Variants in BTK observed in about 807,000 individuals in gnomAD.
BTK encodes Bruton tyrosine kinase.
In BTK, 5 loss-of-function variants were observed where a neutral mutation model predicts 57.4. The ratio of observed to expected loss-of-function variants is 0.09; its 90% confidence interval spans 0.05 to 0.18. BTK has a LOEUF of 0.18. Among genes scored for constraint, BTK ranks in the 10% least tolerant of loss-of-function variants. The pLI, the probability that BTK is intolerant of heterozygous loss-of-function variation, is 1.00. For synonymous variants in BTK, 154 were observed against 174.3 expected (o/e 0.88, Z 0.92); for missense variants, 194 against 501.2 (o/e 0.39, Z 5.85).
At chrX:101,353,526 G>A (rs1485433014) in intron 17 of BTK, among the ~76,000 whole-genome samples, 175 bp from the exon 18 acceptor site, 1 of 111,173 alleles carries the variant, frequency 9.0e-6, no homozygotes, top group Non-Finnish European at 1.9e-5. Context: ...GATCAAGGTC[G>A]TACTAGACTA....
In BTK at chrX:101,349,944, G is replaced by A. The variant is rs2147419990; in HGVS notation, c.1921C>T (p.Arg641Cys). The A allele has an allele frequency of 8.3e-7, 1 of 1,204,721 alleles. No homozygotes were observed. The highest frequency in any genetic ancestry group is 1.1e-6 in the Non-Finnish European group (1 of 889,418). Residue 641 changes from arginine (R) to cysteine (C), a missense_variant, in exon 19 of 19, where the codon CGT (arginine) becomes TGT (cysteine). Transcript: ENST00000308731. ...CTCAGAAGAATTTTGAAAGTGGGAC[G>A]CTCATCTGCTTTCTAAAACCAAAGA... is the stretch of plus-strand genomic sequence containing the variant. ...YSCWHEKADE[R>C]PTFKILLSNI...
At chrX:101,373,177 G>A (rs1194928024) in intron 3 of BTK, among the ~76,000 whole-genome samples, 2 of 111,059 alleles carry the variant, frequency 1.8e-5, no homozygotes, top group African/African-American at 6.6e-5. Context: ...AGGTGTGTAT[G>A]AAATTCAATT....
chrX:101,363,095 T>C (rs1335663042), intron 5 of BTK, among the ~76,000 whole-genome samples: 3 of 112,363 alleles, frequency 2.7e-5, no homozygotes, highest in African/African-American at 9.7e-5. Flanking sequence ...ATTTCTCAGT[T>C]CCTTGAGTGA....
upstream of BTK, among the ~76,000 whole-genome samples, chrX:101,386,696 A>C (rs1927620068): frequency 9.0e-6 from 1 of 111,468 alleles, no homozygotes; most frequent in Non-Finnish European, 1.9e-5. Context: ...GGTAGAGACA[A>C]GACTTCCCCG....
chrX:101,353,055 G>A (rs1926346095), intron 18 of BTK, 139 bp downstream of exon 18: 2 of 612,730 alleles, frequency 3.3e-6, no homozygotes, highest in Non-Finnish European at 5.0e-6. Context: ...GAAAGAGCGA[G>A]ACCTTGTCTC....
chrX:101,364,325 C>T (rs1555979166), intron 5 of BTK, among the ~76,000 whole-genome samples: 1 of 105,602 alleles, frequency 9.5e-6, no homozygotes, highest in Non-Finnish European at 1.9e-5. Flanking sequence ...AGGAGAATCA[C>T]TTGAACCCAG....
intron 1 of BTK, among the ~76,000 whole-genome samples, chrX:101,381,732 T>C (rs1927433096): frequency 9.0e-6 from 1 of 111,108 alleles, no homozygotes; most frequent in Non-Finnish European, 1.9e-5. Context: ...GGTTTACATG[T>C]TTAAAATTTA....
At chrX:101,376,730 G>C (rs1419626200) in intron 1 of BTK, among the ~76,000 whole-genome samples, 1 of 110,138 alleles carries the variant, frequency 9.1e-6, no homozygotes, top group Non-Finnish European at 1.9e-5. Flanking sequence ...TTTTTCCTCT[G>C]GTGGGGGGGT....
intron 3 of BTK, among the ~76,000 whole-genome samples, chrX:101,373,807 C>T (rs920986032): frequency 1.8e-5 from 2 of 111,105 alleles, no homozygotes; most frequent in African/African-American, 3.3e-5. Flanking sequence ...TTTGGGAGGC[C>T]GAGACAGGCG....
intron 1 of BTK, chrX:101,377,843 C>T (rs1927262425): frequency 9.0e-6 from 1 of 111,401 alleles, no homozygotes; most frequent in Admixed American, 9.6e-5. Flanking sequence ...CCAGAATTGC[C>T]ATGATTTGGT....
At chrX:101,376,444 A>G (rs781799069) in intron 1 of BTK, among the ~76,000 whole-genome samples, 1,152 of 111,643 alleles carry the variant, frequency 0.01, 13 homozygotes, top group Non-Finnish European at 0.018. Context: ...CCTGGCCAAC[A>G]TGGCAAAACC....
chrX:101,357,017 A>G (rs1926507334), intron 13 of BTK, 62 bp from the exon 14 acceptor site: 2 of 1,137,835 alleles, frequency 1.8e-6, no homozygotes, highest in Non-Finnish European at 2.4e-6. Context: ...TACAATAGAC[A>G]AAAATCCCTA....
At chrX:101,364,770 C>T (rs1250855941) in intron 5 of BTK, among the ~76,000 whole-genome samples, 1 of 108,944 alleles carries the variant, frequency 9.2e-6, no homozygotes, top group Admixed American at 9.8e-5. Flanking sequence ...GAGACAGTGT[C>T]TCGCTCTGTT....
upstream of BTK, among the ~76,000 whole-genome samples, chrX:101,387,219 T>C (rs1192961557): frequency 9.0e-6 from 1 of 110,897 alleles, no homozygotes; most frequent in Non-Finnish European, 1.9e-5. Flanking sequence ...ACAAAAAAAA[T>C]GGGGTATATG....
At chrX:101,364,421 AAAAG>A (rs782540002) in intron 5 of BTK, among the ~76,000 whole-genome samples, 98 of 88,241 alleles carry the variant, frequency 1.1e-3, no homozygotes, top group Middle Eastern at 5.5e-3. Context: ...AAAAAAAAAA[AAAAG>A]AAAAGAAAAA....
intron 18 of BTK, among the ~76,000 whole-genome samples, chrX:101,351,004 A>AT (rs1297345581): frequency 2.7e-5 from 3 of 110,192 alleles, no homozygotes; most frequent in Non-Finnish European, 5.7e-5. Flanking sequence ...AGTTACCTGA[A>AT]TTTTTTTTTG....
intron 18 of BTK, among the ~76,000 whole-genome samples, chrX:101,352,553 C>T (rs1294572350): frequency 4.5e-5 from 5 of 110,413 alleles, no homozygotes; most frequent in Non-Finnish European, 9.5e-5. Flanking sequence ...TCACTTGAGG[C>T]CAGGAGTTCG....
intron 5 of BTK, among the ~76,000 whole-genome samples, chrX:101,368,452 A>G (rs782154203): frequency 1.9e-4 from 21 of 112,339 alleles, no homozygotes; most frequent in African/African-American, 6.1e-4. Context: ...CTTTGGAGTC[A>G]TACAGACACA....
At chrX:101,354,526 T>G in intron 16 of BTK, 104 bp downstream of exon 16, 1 of 865,932 alleles carries the variant, frequency 1.2e-6, no homozygotes, top group Non-Finnish European at 1.7e-6. Flanking sequence ...AACGCTAGAA[T>G]GAGAAAAAAA....
Sources: allele counts gnomAD v4.1 joint callset (sites outside exome capture counted in the v4.1 genomes callset), GRCh38; gene constraint gnomAD v4.1.1; transcripts MANE v1.5; gene names NCBI Gene and HGNC (gene_info 2026-07-23, HGNC 2026-07-21).